MPRIP: variants seen among roughly 807,000 people sequenced by gnomAD.
MPRIP encodes the protein myosin phosphatase Rho interacting protein.
A neutral mutation model predicts 234.9 loss-of-function variants in MPRIP; 59 were observed. That is an observed-to-expected ratio of 0.25 (90% CI 0.20 to 0.31). MPRIP has a LOEUF of 0.31. MPRIP is among the 10% of genes least tolerant of loss of function. The probability of loss-of-function intolerance (pLI) is 1.00; values close to 1 mark genes in which losing one functional copy is unlikely to be tolerated. For synonymous variants in MPRIP, 1,144 were observed against 1,263.9 expected (o/e 0.91, Z 2.01); for missense variants, 2,436 against 3,071.0 (o/e 0.79, Z 4.89).
chr17:17,111,964 A>G (rs924899093), intron 3 of MPRIP, among the ~76,000 whole-genome samples: 1 of 152,110 alleles, frequency 6.6e-6, no homozygotes, highest in Non-Finnish European at 1.5e-5. Context: ...CGTCCAGGCC[A>G]GGTTTCATCA....
At chr17:17,163,539 C>T (rs2045917667) in intron 15 of MPRIP, among the ~76,000 whole-genome samples, 1 of 152,170 alleles carries the variant, frequency 6.6e-6, no homozygotes, top group Non-Finnish European at 1.5e-5. Context: ...TTAGTTCTTC[C>T]TGTTACTCTA....
intron 1 of MPRIP, among the ~76,000 whole-genome samples, chr17:17,051,128 C>T (rs901791395): frequency 6.6e-6 from 1 of 152,188 alleles, no homozygotes; most frequent in African/African-American, 2.4e-5. Flanking sequence ...TTCCTGAGCC[C>T]CCCATGTGGT....
intron 1 of MPRIP, among the ~76,000 whole-genome samples, chr17:17,071,101 T>C (rs770520634): frequency 1.3e-5 from 2 of 152,192 alleles, no homozygotes; most frequent in Non-Finnish European, 2.9e-5. Flanking sequence ...CTCGTTGCTG[T>C]TGGTGGGATG....
intron 16 of MPRIP, chr17:17,170,143 C>T (rs1232003146): frequency 6.6e-6 from 1 of 150,462 alleles, no homozygotes; most frequent in Non-Finnish European, 1.5e-5. Flanking sequence ...TTAGTATGGC[C>T]CCTTTACAAG....
intron 6 of MPRIP, 96 bp downstream of exon 6, chr17:17,136,546 T>G: frequency 8.3e-7 from 1 of 1,210,308 alleles, no homozygotes; most frequent in Non-Finnish European, 1.2e-6. Flanking sequence ...TAGAGCCCAG[T>G]CGCAAGCCTG....
At chr17:17,075,148 C>CAT (rs2144036184) in intron 1 of MPRIP, among the ~76,000 whole-genome samples, 1 of 152,262 alleles carries the variant, frequency 6.6e-6, no homozygotes, top group South Asian at 2.1e-4. Context: ...ACATCAGAGT[C>CAT]ATGAGGTTTA....
chr17:17,093,324 A>C (rs2089763219), intron 3 of MPRIP, among the ~76,000 whole-genome samples: 1 of 152,210 alleles, frequency 6.6e-6, no homozygotes, highest in African/African-American at 2.4e-5. Context: ...TTAGGGAAAC[A>C]ATCTTTATTT....
At chr17:17,121,385 T>G (rs140110719) in intron 3 of MPRIP, among the ~76,000 whole-genome samples, 2,119 of 152,350 alleles carry the variant, frequency 0.014, 37 homozygotes, top group African/African-American at 0.045. Flanking sequence ...CTAACATCGT[T>G]GTGCGGTGCA....
intron 3 of MPRIP, among the ~76,000 whole-genome samples, chr17:17,095,418 C>T (rs2089816658): frequency 1.3e-5 from 2 of 152,162 alleles, no homozygotes; most frequent in Admixed American, 6.5e-5. Flanking sequence ...TCCGCACGTA[C>T]GAGCCCTCTC....
intron 3 of MPRIP, among the ~76,000 whole-genome samples, chr17:17,123,793 T>G (rs907455497): frequency 2.0e-5 from 3 of 151,418 alleles, no homozygotes; most frequent in African/African-American, 7.3e-5. Context: ...GAGCAGGAAG[T>G]TTTTTTTCCC....
rs2045485679 is a variant in MPRIP, at chr17:17,147,170, G to A, written c.1561-149G>A. ...GCCTGCAGTCCGAGCAGAGTCCTCT[G>A]TATGCTGTCAAGGGAGGGGCCAGCC... On this transcript the variant is annotated intron_variant, in intron 10 of 23. Transcript: ENST00000651222. The A allele has an allele frequency of 8.0e-5, 58 of 722,874 alleles. 2 individuals carry two copies. The South Asian group carries it at 8.4e-4, about 11-fold the overall frequency. The allele number at this position is 722,874 out of a possible 1,614,324, so 44.8% of individuals were successfully genotyped here. A position where few individuals can be genotyped will look rare whatever the true frequency, so the allele number is the denominator to read the frequency against.
Position 17,167,992 on chromosome 17 carries a change from ACCGTG to A in MPRIP, c.6324+79_6324+83del, listed in dbSNP as rs1456259119. 6.2e-6 allele frequency: 7 copies of A among 1,130,454 alleles called. No individual in the cohort carries two copies. Among genetic ancestry groups the A allele is most frequent in the African/African-American group, 3.2e-5 (2 of 62,530 alleles). The allele number at this position is 1,130,454 out of a possible 1,614,324, so 70.0% of individuals were successfully genotyped here. On this transcript the variant is annotated intron_variant, in intron 16 of 23. Transcript: ENST00000651222. The surrounding 1 kb of genome is among the most constrained non-coding windows in gnomAD (Gnocchi z 5.9). The stretch of plus-strand genomic sequence containing the variant: ...GGGTGTGGGGACGTCTGGCTCAGCT[ACCGTG>A]CAGGCAGAATTGAGGGGATATGCTG...
chr17:17,167,179 T>A lies in MPRIP; in HGVS notation c.5588T>A (p.Leu1863His). The A allele has an allele frequency of 4.6e-6, 6 of 1,303,894 alleles. No individual in the cohort carries two copies. The highest frequency in any genetic ancestry group is 5.1e-6 in the Non-Finnish European group (5 of 988,906). The allele number at this position is 1,303,894 out of a possible 1,614,324, so 80.8% of individuals were successfully genotyped here. A position where few individuals can be genotyped will look rare whatever the true frequency, so the allele number is the denominator to read the frequency against. Residue 1863 changes from leucine (L) to histidine (H), a missense_variant, in exon 16 of 24, where the codon CTC becomes CAC. Physicochemically the swap from Leu to His is moderately conservative, Grantham distance 99. Transcript: ENST00000651222. The surrounding 1 kb of genome is among the most constrained non-coding windows in gnomAD (Gnocchi z 5.9). ...ATCCGGCTAGAATATGAGAAGGAGC[T>A]CCAGCTCTGCAAGGAGTCCTGGCAA... ...CRIRLEYEKE[L>H]QLCKESWQTR...
At position 17,190,471 on chromosome 17, in the gene MPRIP, A is replaced by G. The variant is rs890252433; in HGVS notation, c.*5577A>G. 6.6e-6 allele frequency: 1 copy of G among 152,276 alleles called. No individual in the cohort carries two copies. The highest frequency in any genetic ancestry group is 6.5e-5 in the Admixed American group (1 of 15,288). The allele number at this position is 152,276 out of a possible 1,614,324, so 9.4% of individuals were successfully genotyped here. A position where few individuals can be genotyped will look rare whatever the true frequency, so the allele number is the denominator to read the frequency against. ...TAAGAACCAGCCTGAGCTGAAGGCTAGTAATACCGTGCTGTAGGCTCTTTA... is the reference window on the plus strand; with the variant it reads ...TAAGAACCAGCCTGAGCTGAAGGCTGGTAATACCGTGCTGTAGGCTCTTTA... On this transcript the variant is annotated 3_prime_UTR_variant, in exon 24 of 24. Transcript: ENST00000651222.
At chr17:17,153,144 G>C (rs1010006848) in intron 12 of MPRIP, among the ~76,000 whole-genome samples, 1 of 152,188 alleles carries the variant, frequency 6.6e-6, no homozygotes, top group African/African-American at 2.4e-5. Context: ...AACTGATGAA[G>C]GAGGACCGAG....
chr17:17,045,170 C>T (rs1363900850), intron 1 of MPRIP, among the ~76,000 whole-genome samples: 2 of 152,212 alleles, frequency 1.3e-5, no homozygotes, highest in African/African-American at 2.4e-5. Context: ...CTGGAAGATA[C>T]ATCAGCCACC....
At chr17:17,082,174 A>C in intron 3 of MPRIP, among the ~76,000 whole-genome samples, 1 of 152,110 alleles carries the variant, frequency 6.6e-6, no homozygotes, top group African/African-American at 2.4e-5. Context: ...CCAGGTCTAG[A>C]AGGAGAGTGG....
At chr17:17,075,813 G>A in intron 2 of MPRIP, 26 bp downstream of exon 2, 1 of 1,611,398 alleles carries the variant, frequency 6.2e-7, no homozygotes, top group Non-Finnish European at 8.5e-7. Context: ...CCAACTCTCA[G>A]GGAGGAACCA....
At chr17:17,159,044 C>T in intron 14 of MPRIP, 42 bp downstream of exon 14, 1 of 1,558,906 alleles carries the variant, frequency 6.4e-7, no homozygotes, top group South Asian at 1.2e-5. Context: ...TCCCAGCAGC[C>T]TTTCCAGAGC....
Sources: gnomAD v4.1 joint callset for allele counts (sites outside exome capture counted in the v4.1 genomes callset) on GRCh38, gnomAD v4.1.1 for gene constraint, Gnocchi (gnomAD v3.1) non-coding constraint, MANE v1.5 for transcripts, NCBI Gene and HGNC (gene_info 2026-07-23, HGNC 2026-07-21) for gene names.